EIF2AK4: variants seen among roughly 807,000 people sequenced by gnomAD.
EIF2AK4 encodes the protein eukaryotic translation initiation factor 2 alpha kinase 4.
In EIF2AK4, 139 loss-of-function variants were observed where a neutral mutation model predicts 211.1. The ratio of observed to expected loss-of-function variants is 0.66; its 90% CI spans 0.57 to 0.76. EIF2AK4 has a LOEUF of 0.76. Ranked by LOEUF, EIF2AK4 falls within the 30% of genes least tolerant of loss-of-function variation. EIF2AK4 has a pLI of 0.00. For missense variants in EIF2AK4, 1,664 were observed against 2,043.8 expected (o/e 0.81, Z 3.58); for synonymous variants, 710 against 751.3 (o/e 0.94, Z 0.90).
At chr15:39,951,559 A>G (rs888052495) in intron 4 of EIF2AK4, 7 of 332,464 alleles carry the variant, frequency 2.1e-5, no homozygotes, top group African/African-American at 1.1e-4. Context: ...ATCCTGAGCA[A>G]TTTCTCTCAC....
In EIF2AK4 at chr15:39,987,971, G is replaced by T. The variant is rs893269416; in HGVS notation, c.2404-12G>T. 6.2e-7 allele frequency: 1 copy of T among 1,612,994 alleles called. No homozygotes were observed. Among genetic ancestry groups the T allele is most frequent in the Non-Finnish European group, 8.5e-7 (1 of 1,179,596 alleles). ...TTGTGTAATCAAATTCTCCTGGTTT[G>T]TCTGTATATAGATGGAGTACTGTGA... On this transcript the variant is annotated splice_polypyrimidine_tract_variant and intron_variant, in intron 14 of 38. Coordinates refer to ENST00000263791, the MANE Select transcript of EIF2AK4 (RefSeq NM_001013703.4).
chr15:40,007,369 A>G (rs1004434703), intron 24 of EIF2AK4, among the ~76,000 whole-genome samples: 1 of 152,242 alleles, frequency 6.6e-6, no homozygotes, highest in Non-Finnish European at 1.5e-5. Flanking sequence ...TGATAAAAAC[A>G]TCTGGCTGTT....
chr15:39,984,424 T>C (rs2034836235), intron 13 of EIF2AK4, among the ~76,000 whole-genome samples: 1 of 152,218 alleles, frequency 6.6e-6, no homozygotes, highest in Non-Finnish European at 1.5e-5. Context: ...TAGCATTGAA[T>C]CTATAAATTA....
intron 16 of EIF2AK4, 142 bp downstream of exon 16, chr15:39,990,519 G>A: frequency 1.4e-6 from 1 of 713,496 alleles, no homozygotes; most frequent in Non-Finnish European, 2.4e-6. Context: ...GAAGGGGTAT[G>A]CTGCAAATGA....
chr15:39,967,289 C>A, intron 8 of EIF2AK4, 55 bp from the exon 9 acceptor site: 2 of 1,491,440 alleles, frequency 1.3e-6, no homozygotes, highest in African/African-American at 1.4e-5. Context: ...TGAAATGAAA[C>A]CCAAGTTAAT....
chr15:39,987,389 C>G (rs2034880741), intron 14 of EIF2AK4, among the ~76,000 whole-genome samples: 1 of 152,152 alleles, frequency 6.6e-6, no homozygotes, highest in Non-Finnish European at 1.5e-5. Flanking sequence ...AACTCTGGCA[C>G]TAGTTGAAGC....
chr15:40,010,228 G>A (rs2035217170), intron 26 of EIF2AK4, among the ~76,000 whole-genome samples: 1 of 152,198 alleles, frequency 6.6e-6, no homozygotes, highest in Admixed American at 6.5e-5. Flanking sequence ...GAGACCGAGA[G>A]CAACTGTTCA....
rs879633260 is a variant in EIF2AK4 at position 39,934,128 on chromosome 15, G to A, written c.-68G>A. ...TAGCCCGTCCCCAGCGCGGAGCCCC[G>A]CCCCGCAGGCTGCCGGGGGCCCACC... On this transcript the variant is annotated 5_prime_UTR_variant, in exon 1 of 39. Coordinates refer to ENST00000263791, the MANE Select transcript of EIF2AK4 (RefSeq NM_001013703.4). 8 of 1,220,404 alleles carry A rather than the reference G, an allele frequency of 6.6e-6. No individual in the cohort carries two copies. Among genetic ancestry groups the A allele is most frequent in the Middle Eastern group, 2.9e-4 (1 of 3,450 alleles). The allele number at this position is 1,220,404 out of a possible 1,614,324, so 75.6% of individuals were successfully genotyped here. A position where few individuals can be genotyped will look rare whatever the true frequency, so the allele number is the denominator to read the frequency against.
intron 33 of EIF2AK4, among the ~76,000 whole-genome samples, chr15:40,027,932 A>G (rs572358006): frequency 1.2e-4 from 18 of 152,102 alleles, no homozygotes; most frequent in African/African-American, 4.3e-4. Flanking sequence ...CGAATATATA[A>G]TCCCATTTTG....
chr15:39,949,004 G>A, intron 3 of EIF2AK4, 112 bp from the exon 4 acceptor site: 2 of 1,222,370 alleles, frequency 1.6e-6, no homozygotes, highest in South Asian at 1.4e-5. Context: ...ATGAATAATG[G>A]CATTCTAAGT....
At chr15:39,976,327 G>T in intron 11 of EIF2AK4, 87 bp from the exon 12 acceptor site, 2 of 1,417,186 alleles carry the variant, frequency 1.4e-6, no homozygotes, top group Admixed American at 2.4e-5. Flanking sequence ...AGAACTTCAC[G>T]CTTTCCTTGG....
At chr15:40,011,603 A>G (rs1385517795) in intron 27 of EIF2AK4, among the ~76,000 whole-genome samples, 3 of 152,198 alleles carry the variant, frequency 2.0e-5, no homozygotes, top group African/African-American at 4.8e-5. Context: ...CTTGATCAGC[A>G]GATACTTTTC....
At position 39,967,418 on chromosome 15, in the gene EIF2AK4, G is replaced by A. The variant is rs746471308; in HGVS notation, c.1092G>A (p.Met364Ile). ...CAAATGTAGTACGCTACCTTGCAAT[G>A]AATCTCAAAGAGCAAGACGACTCCA... ...SHPNVVRYLA[M>I]NLKEQDDSIV... is the part of the protein sequence containing the mutation. The change falls in exon 9 of 39, where the codon ATG becomes ATA. Residue 364 changes from methionine (M) to isoleucine (I), a missense_variant. Coordinates refer to ENST00000263791, the MANE Select transcript of EIF2AK4 (RefSeq NM_001013703.4). 1.9e-6 allele frequency: 3 copies of A among 1,613,102 alleles called. No homozygotes were observed. The South Asian group carries it at 3.3e-5, about 18-fold the overall frequency.
chr15:39,972,930 G>C lies in EIF2AK4; in HGVS notation c.1576G>C (p.Glu526Gln), dbSNP rs761224926. 2 of 1,613,876 alleles carry C rather than the reference G, an allele frequency of 1.2e-6. No individual in the cohort carries two copies. The highest frequency in any genetic ancestry group is 4.5e-5 in the East Asian group (2 of 44,852). The change falls in exon 10 of 39, where the codon GAA (glutamate) becomes CAA (glutamine). Residue 526 changes from glutamate (E) to glutamine (Q), a missense_variant. Glu to Gln is a conservative substitution (Grantham distance 29). This residue lies in a region of EIF2AK4 where 641 missense variants were observed against 729.6 expected (regional missense o/e 0.88). Coordinates refer to ENST00000263791, the MANE Select transcript of EIF2AK4 (RefSeq NM_001013703.4). Reference sequence around the variant, plus strand: ...GAGATGTGTGTGCTTGGATGACAAGGAAAGATGGAGTCCCCAGCAGTTGTT... The same window carrying C: ...GAGATGTGTGTGCTTGGATGACAAGCAAAGATGGAGTCCCCAGCAGTTGTT... Reference protein sequence around the residue: ...LKKCVCLDDKERWSPQQLLKH... With the variant: ...LKKCVCLDDKQRWSPQQLLKH...
At chr15:40,008,755 C>T (rs2035196085) in intron 25 of EIF2AK4, among the ~76,000 whole-genome samples, 1 of 152,184 alleles carries the variant, frequency 6.6e-6, no homozygotes, top group Admixed American at 6.5e-5. Flanking sequence ...ACCTTTTCTT[C>T]TCAACTCTCA....
At chr15:39,959,151 A>G (rs1283544045) in intron 6 of EIF2AK4, among the ~76,000 whole-genome samples, 1 of 152,146 alleles carries the variant, frequency 6.6e-6, no homozygotes, top group Non-Finnish European at 1.5e-5. Context: ...GAACATCCAT[A>G]CTCTAGAATA....
chr15:39,985,308 A>ATTCCTC lies in EIF2AK4; in HGVS notation c.2320-495_2320-494insCCTCTT, dbSNP rs2034849373. 2.6e-5 allele frequency among the ~76,000 whole-genome samples: 4 copies of ATTCCTC among 152,162 alleles called. No homozygotes were observed. The South Asian group carries it at 8.3e-4, about 32-fold the overall frequency. ...TGTTCATCAGGGACATTGGCCTGAA[A>ATTCCTC]TTTTCTTTTTTTGTTGTGTCTCTGA... On this transcript the variant is annotated intron_variant, in intron 13 of 38. Transcript: ENST00000263791.
chr15:39,976,693 G>A lies in EIF2AK4; in HGVS notation c.2098G>A (p.Ala700Thr), dbSNP rs1244088989. The A allele has an allele frequency of 1.9e-6, 3 of 1,600,930 alleles. No individual in the cohort carries two copies. The highest frequency in any genetic ancestry group is 1.7e-5 in the Admixed American group (1 of 59,278). ...TDGLDSVEAA[A>T]PPPILSSSVE... Reference sequence around the variant, plus strand: ...CGGCCTGGACAGCGTAGAGGCCGCCGCGCCGCCACCCATCCTCAGCAGCTC... The same window carrying A: ...CGGCCTGGACAGCGTAGAGGCCGCCACGCCGCCACCCATCCTCAGCAGCTC... Residue 700 changes from alanine to threonine, a missense_variant, in exon 12 of 39, where the codon GCG becomes ACG. Physicochemically the swap from Ala to Thr is moderately conservative, Grantham distance 58. This residue lies in a region of EIF2AK4 where 206 missense variants were observed against 201.9 expected (regional missense o/e 1.02). Transcript: ENST00000263791.
intron 8 of EIF2AK4, among the ~76,000 whole-genome samples, chr15:39,966,673 A>G (rs993435916): frequency 6.6e-6 from 1 of 152,224 alleles, no homozygotes; most frequent in African/African-American, 2.4e-5. Context: ...TAGATAAAGC[A>G]TGGTGTTCAG....
Sources: gnomAD v4.1 joint callset for allele counts (sites outside exome capture counted in the v4.1 genomes callset) on GRCh38, gnomAD v4.1.1 for gene constraint, gnomAD v4.1.1 regional missense constraint, MANE v1.5 for transcripts, NCBI Gene and HGNC (gene_info 2026-07-23, HGNC 2026-07-21) for gene names.